TAS2R1: variants seen among roughly 807,000 people sequenced by gnomAD.
TAS2R1 encodes the protein taste receptor type 2 member 1.
For synonymous variants in TAS2R1, 141 were observed against 134.2 expected (o/e 1.05, Z -0.35); for missense variants, 370 against 353.4 (o/e 1.05, Z -0.38).
the TAS2R1 span, among the ~76,000 whole-genome samples, chr5:9,768,285 ACT>A: frequency 2.6e-5 from 4 of 151,936 alleles, no homozygotes; most frequent in African/African-American, 4.8e-5. Context: ...GGTCCCAGAC[ACT>A]CTCTCACACA....
chr5:9,752,345 C>T, the TAS2R1 span, among the ~76,000 whole-genome samples: 1 of 152,172 alleles, frequency 6.6e-6, no homozygotes, highest in African/African-American at 2.4e-5. Flanking sequence ...CTCTGTACTC[C>T]AGGGTCCATG....
the TAS2R1 span, among the ~76,000 whole-genome samples, chr5:9,780,951 C>A: frequency 6.6e-6 from 1 of 152,200 alleles, no homozygotes; most frequent in Admixed American, 6.5e-5. Flanking sequence ...TCCTGAGTTT[C>A]TAGTCCACCA....
the TAS2R1 span, among the ~76,000 whole-genome samples, chr5:9,755,230 T>C: frequency 0.055 from 8,370 of 152,120 alleles, 618 homozygotes; most frequent in East Asian, 0.27. Context: ...ACTTGGATAC[T>C]GCAAAAGAAA....
At chr5:9,811,889 C>T in the TAS2R1 span, among the ~76,000 whole-genome samples, 1 of 152,140 alleles carries the variant, frequency 6.6e-6, no homozygotes, top group Non-Finnish European at 1.5e-5. Context: ...CCTTTCAACA[C>T]AACAGCCTCT....
the TAS2R1 span, among the ~76,000 whole-genome samples, chr5:9,755,960 C>A: frequency 1.3e-5 from 2 of 152,156 alleles, no homozygotes; most frequent in South Asian, 2.1e-4. Context: ...TCTTTATGAC[C>A]TGTATTTTGT....
At chr5:9,698,037 T>C (rs546724051) in intron 1 of TAS2R1, among the ~76,000 whole-genome samples, 24 of 152,076 alleles carry the variant, frequency 1.6e-4, no homozygotes, top group Admixed American at 3.9e-4. Context: ...AACATCAGTC[T>C]CTACCTCACC....
the TAS2R1 span, among the ~76,000 whole-genome samples, chr5:9,785,542 A>G: frequency 1.3e-5 from 2 of 152,254 alleles, no homozygotes; most frequent in African/African-American, 4.8e-5. Flanking sequence ...TGTTCAATAA[A>G]TATGAGTATG....
At chr5:9,767,267 C>T in the TAS2R1 span, among the ~76,000 whole-genome samples, 1 of 151,966 alleles carries the variant, frequency 6.6e-6, no homozygotes, top group Admixed American at 6.6e-5. Flanking sequence ...TCATTTCTCT[C>T]TCTACGTCGG....
chr5:9,886,081 G>C, the TAS2R1 span, among the ~76,000 whole-genome samples: 1 of 150,746 alleles, frequency 6.6e-6, no homozygotes, highest in South Asian at 2.1e-4. Flanking sequence ...ACCCAGGCTG[G>C]AGTGCAGTGG....
chr5:9,682,190 T>C (rs1278632368), intron 1 of TAS2R1, among the ~76,000 whole-genome samples: 1 of 152,224 alleles, frequency 6.6e-6, no homozygotes, highest in Non-Finnish European at 1.5e-5. Context: ...CTTGCCAAAA[T>C]TTGTGAACAA....
chr5:9,889,745 G>A, the TAS2R1 span: 1 of 152,216 alleles, frequency 6.6e-6, no homozygotes, highest in Non-Finnish European at 1.5e-5. Context: ...AAGGGGCAGA[G>A]TCTGAAAGAA....
At chr5:9,826,281 T>C in the TAS2R1 span, among the ~76,000 whole-genome samples, 1 of 152,186 alleles carries the variant, frequency 6.6e-6, no homozygotes, top group Non-Finnish European at 1.5e-5. Flanking sequence ...CTTCTTGAGC[T>C]GTAACAAATT....
intron 2 of TAS2R1, among the ~76,000 whole-genome samples, chr5:9,649,173 G>C (rs1296001942): frequency 6.6e-6 from 1 of 151,986 alleles, no homozygotes. Flanking sequence ...GTATTTTTTT[G>C]TCCACCGAAC....
chr5:9,726,397 G>C, the TAS2R1 span, among the ~76,000 whole-genome samples: 3 of 152,182 alleles, frequency 2.0e-5, no homozygotes, highest in Admixed American at 6.5e-5. Flanking sequence ...ATGTGGGTGA[G>C]GCCAGATAAG....
chr5:9,676,050 A>G (rs2126506444), intron 1 of TAS2R1, among the ~76,000 whole-genome samples: 1 of 152,242 alleles, frequency 6.6e-6, no homozygotes, highest in Middle Eastern at 3.4e-3. Context: ...TTGTTGAGAG[A>G]TTTAATTCTA....
chr5:9,830,387 ATG>A, the TAS2R1 span, among the ~76,000 whole-genome samples: 1 of 146,524 alleles, frequency 6.8e-6, no homozygotes, highest in African/African-American at 2.8e-5. Context: ...TGATAGGTAT[ATG>A]ACAAAGAAAG....
At chr5:9,757,866 T>C in the TAS2R1 span, among the ~76,000 whole-genome samples, 5 of 152,192 alleles carry the variant, frequency 3.3e-5, no homozygotes, top group African/African-American at 1.2e-4. Flanking sequence ...ATTATTAGCT[T>C]ATTTTATCTC....
At chr5:9,638,696 T>C (rs552949656) in intron 2 of TAS2R1, among the ~76,000 whole-genome samples, 2 of 152,138 alleles carry the variant, frequency 1.3e-5, no homozygotes, top group South Asian at 2.1e-4. Flanking sequence ...AGAATTTCTA[T>C]GTCTTGAGTT....
chr5:9,825,861 T>C, the TAS2R1 span, among the ~76,000 whole-genome samples: 1 of 152,190 alleles, frequency 6.6e-6, no homozygotes, highest in Non-Finnish European at 1.5e-5. Flanking sequence ...CCTTCCTTGC[T>C]TTCTGGCACA....
Sources: gnomAD v4.1 joint callset for allele counts (sites outside exome capture counted in the v4.1 genomes callset) on GRCh38, gnomAD v4.1.1 for gene constraint, MANE v1.5 for transcripts, NCBI Gene and HGNC (gene_info 2026-07-23, HGNC 2026-07-21) for gene names.